The following CCSER1 variants were observed in gnomAD, a reference collection of about 807,000 sequenced individuals.
CCSER1 encodes the protein serine-rich coiled-coil domain-containing protein 1.
In CCSER1, 41 loss-of-function variants were observed where a neutral mutation model predicts 82.0. That is an observed-to-expected ratio of 0.50 (90% CI 0.39 to 0.65). The LOEUF is 0.65. CCSER1 is among the 30% of genes least tolerant of loss of function. CCSER1 has a pLI of 0.00. For missense variants in CCSER1, 1,119 were observed against 1,064.2 expected (o/e 1.05, Z -0.72); for synonymous variants, 414 against 383.9 (o/e 1.08, Z -0.92).
At chr4:90,704,108 G>T (rs1401823147) in intron 6 of CCSER1, among the ~76,000 whole-genome samples, 1 of 152,160 alleles carries the variant, frequency 6.6e-6, no homozygotes, top group African/African-American at 2.4e-5. Context: ...GCAGTGGCTG[G>T]TACCGGTTGT....
chr4:90,207,343 C>G (rs1306278692), intron 1 of CCSER1, among the ~76,000 whole-genome samples: 4 of 152,252 alleles, frequency 2.6e-5, no homozygotes, highest in Non-Finnish European at 5.9e-5. Context: ...TCAGCTCCAT[C>G]AGGTCATTTA....
At chr4:91,062,429 C>T (rs1744037775) in intron 9 of CCSER1, among the ~76,000 whole-genome samples, 1 of 152,040 alleles carries the variant, frequency 6.6e-6, no homozygotes, top group African/African-American at 2.4e-5. Context: ...GATGGTGATA[C>T]CCAACTTCAG....
intron 1 of CCSER1, among the ~76,000 whole-genome samples, chr4:90,260,616 C>T (rs1440847766): frequency 1.3e-5 from 2 of 152,114 alleles, no homozygotes; most frequent in Non-Finnish European, 2.9e-5. Context: ...ATATCTTTTT[C>T]TATCCCTTTG....
intron 6 of CCSER1, among the ~76,000 whole-genome samples, chr4:90,717,319 G>A (rs1399795090): frequency 6.6e-6 from 1 of 152,000 alleles, no homozygotes; most frequent in Non-Finnish European, 1.5e-5. Context: ...ATGCTAGGAA[G>A]GCAAAAACAG....
intron 10 of CCSER1, among the ~76,000 whole-genome samples, chr4:91,219,638 A>C (rs1489374195): frequency 6.6e-6 from 1 of 152,130 alleles, no homozygotes; most frequent in East Asian, 1.9e-4. Context: ...TATGTATTTA[A>C]GCTTTTGGTA....
At chr4:90,900,772 A>G (rs1356424672) in intron 8 of CCSER1, among the ~76,000 whole-genome samples, 1 of 151,916 alleles carries the variant, frequency 6.6e-6, no homozygotes, top group African/African-American at 2.4e-5. Context: ...ATATTCTGCA[A>G]TTTTTGGGTT....
At chr4:90,789,687 C>T (rs1754979447) in intron 7 of CCSER1, among the ~76,000 whole-genome samples, 1 of 152,104 alleles carries the variant, frequency 6.6e-6, no homozygotes, top group African/African-American at 2.4e-5. Context: ...AAGGGGAGTT[C>T]ACCTGCACTA....
At chr4:91,110,298 A>G (rs1177911429) in intron 10 of CCSER1, among the ~76,000 whole-genome samples, 1 of 19,378 alleles carries the variant, frequency 5.2e-5, no homozygotes, top group African/African-American at 2.0e-4. Flanking sequence ...CTTCACTAGG[A>G]AAAAAATAAA....
intron 1 of CCSER1, among the ~76,000 whole-genome samples, chr4:90,298,927 C>T (rs193244840): frequency 1.3e-5 from 2 of 152,148 alleles, no homozygotes; most frequent in East Asian, 3.9e-4. Context: ...TATGCTTTTA[C>T]ACTTCTTTCT....
At chr4:90,811,759 G>T (rs1758324116) in intron 7 of CCSER1, among the ~76,000 whole-genome samples, 1 of 151,968 alleles carries the variant, frequency 6.6e-6, no homozygotes, top group Non-Finnish European at 1.5e-5. Flanking sequence ...AGTGTCTGTG[G>T]AACAATATTG....
At chr4:90,430,149 A>T (rs1053255471) in intron 4 of CCSER1, among the ~76,000 whole-genome samples, 1 of 151,972 alleles carries the variant, frequency 6.6e-6, no homozygotes, top group African/African-American at 2.4e-5. Context: ...TCTTCTTTGT[A>T]TAAATTGATG....
At chr4:90,769,742 T>G (rs1357671042) in intron 7 of CCSER1, among the ~76,000 whole-genome samples, 1 of 152,200 alleles carries the variant, frequency 6.6e-6, no homozygotes, top group Non-Finnish European at 1.5e-5. Context: ...CTGAACCTGA[T>G]TCAGATGACA....
At chr4:90,865,096 G>T (rs1765571135) in intron 8 of CCSER1, among the ~76,000 whole-genome samples, 1 of 151,846 alleles carries the variant, frequency 6.6e-6, no homozygotes, top group South Asian at 2.1e-4. Flanking sequence ...TTCCTTGTCA[G>T]TTGACTATTT....
intron 9 of CCSER1, among the ~76,000 whole-genome samples, chr4:91,036,862 T>G (rs919161368): frequency 2.0e-5 from 3 of 152,020 alleles, no homozygotes; most frequent in Non-Finnish European, 2.9e-5. Context: ...GTGGGTCAGT[T>G]GAGGTCAGGA....
chr4:91,108,709 C>A (rs1161824425), intron 10 of CCSER1, among the ~76,000 whole-genome samples: 3 of 152,134 alleles, frequency 2.0e-5, no homozygotes, highest in Non-Finnish European at 4.4e-5. Context: ...TTTCTTTATT[C>A]ATTTCTTGCT....
At chr4:90,914,181 C>A (rs939185557) in intron 8 of CCSER1, among the ~76,000 whole-genome samples, 3 of 152,314 alleles carry the variant, frequency 2.0e-5, no homozygotes, top group Non-Finnish European at 4.4e-5. Flanking sequence ...CCCAAATCAA[C>A]AGAATATACA....
At chr4:91,324,959 T>TGG (rs1746448643) in intron 10 of CCSER1, among the ~76,000 whole-genome samples, 1 of 152,098 alleles carries the variant, frequency 6.6e-6, no homozygotes, top group African/African-American at 2.4e-5. Flanking sequence ...GTGTTGAAGG[T>TGG]GGGGCCTGGT....
chr4:91,072,077 A>G (rs141653384), intron 9 of CCSER1, among the ~76,000 whole-genome samples: 4 of 152,276 alleles, frequency 2.6e-5, no homozygotes, highest in Non-Finnish European at 5.9e-5. Context: ...GTTTCAGGAT[A>G]AACTCTACTG....
chr4:90,599,224 C>T (rs1287232090), intron 5 of CCSER1, among the ~76,000 whole-genome samples: 1 of 151,950 alleles, frequency 6.6e-6, no homozygotes, highest in African/African-American at 2.4e-5. Flanking sequence ...GGTGGTGATC[C>T]TACATGTTGA....
Sources: gnomAD v4.1 joint callset for allele counts (sites outside exome capture counted in the v4.1 genomes callset) on GRCh38, gnomAD v4.1.1 for gene constraint, MANE v1.5 for transcripts, NCBI Gene and HGNC (gene_info 2026-07-23, HGNC 2026-07-21) for gene names.